The following KCNH7 variants were observed in gnomAD, a reference collection of about 807,000 sequenced individuals.
KCNH7 encodes the protein voltage-gated inwardly rectifying potassium channel KCNH7.
A neutral mutation model predicts 120.8 loss-of-function variants in KCNH7; 49 were observed. The ratio of observed to expected loss-of-function variants is 0.41; its 90% CI spans 0.32 to 0.51. The LOEUF is 0.51. Among genes scored for constraint, KCNH7 ranks in the 20% least tolerant of loss-of-function variants. The pLI is 0.38. For missense variants in KCNH7, 1,097 were observed against 1,446.6 expected (o/e 0.76, Z 3.92); for synonymous variants, 547 against 516.1 (o/e 1.06, Z -0.81).
intron 2 of KCNH7, among the ~76,000 whole-genome samples, chr2:162,736,044 G>A (rs531505446): frequency 5.3e-4 from 80 of 152,274 alleles, no homozygotes; most frequent in Admixed American, 2.0e-3. Context: ...TGATGTTGAT[G>A]ATGAATAATA....
At chr2:162,745,392 A>T (rs1270402762) in intron 2 of KCNH7, among the ~76,000 whole-genome samples, 2 of 152,048 alleles carry the variant, frequency 1.3e-5, no homozygotes, top group Non-Finnish European at 2.9e-5. Context: ...CTTTTTTTTT[A>T]AACTAAAGAA....
intron 7 of KCNH7, among the ~76,000 whole-genome samples, chr2:162,442,497 T>C (rs1688455642): frequency 6.6e-6 from 1 of 152,176 alleles, no homozygotes; most frequent in Non-Finnish European, 1.5e-5. Context: ...GCAAAGAAGA[T>C]ATTAATGTTT....
intron 2 of KCNH7, among the ~76,000 whole-genome samples, chr2:162,739,856 T>A (rs1688058129): frequency 6.6e-6 from 1 of 152,080 alleles, no homozygotes. Context: ...CAATGAGATA[T>A]GGATATTAGG....
At chr2:162,759,524 G>C (rs956169304) in intron 2 of KCNH7, among the ~76,000 whole-genome samples, 1 of 151,924 alleles carries the variant, frequency 6.6e-6, no homozygotes, top group Non-Finnish European at 1.5e-5. Context: ...GTAAGTCCTG[G>C]GGTCTCTACA....
At chr2:162,423,148 T>A in intron 9 of KCNH7, 188 bp downstream of exon 9, 1 of 1,225,490 alleles carries the variant, frequency 8.2e-7, no homozygotes, top group East Asian at 2.4e-5. Context: ...CCACACAGTA[T>A]AACTAGATAT....
At chr2:162,505,916 C>T (rs560089580) in intron 5 of KCNH7, among the ~76,000 whole-genome samples, 6 of 151,796 alleles carry the variant, frequency 4.0e-5, no homozygotes, top group Non-Finnish European at 5.9e-5. Context: ...AATAATCAAT[C>T]AACTTGGGTC....
intron 2 of KCNH7, among the ~76,000 whole-genome samples, chr2:162,670,654 A>G (rs1040471507): frequency 6.6e-6 from 1 of 151,956 alleles, no homozygotes; most frequent in Admixed American, 6.6e-5. Flanking sequence ...CAAATAAGCT[A>G]TGTAGGCTAC....
chr2:162,628,390 A>C (rs1683632603), intron 2 of KCNH7, among the ~76,000 whole-genome samples: 1 of 151,840 alleles, frequency 6.6e-6, no homozygotes, highest in Non-Finnish European at 1.5e-5. Context: ...TCCTTTCCAC[A>C]CTGTCTCTCT....
chr2:162,446,570 T>C, intron 6 of KCNH7, 127 bp from the exon 7 acceptor site: 1 of 705,330 alleles, frequency 1.4e-6, no homozygotes, highest in Non-Finnish European at 2.3e-6. Flanking sequence ...AATTTGGAAG[T>C]ATTTATGAAA....
chr2:162,514,890 CAG>C (rs769162251), intron 4 of KCNH7, among the ~76,000 whole-genome samples: 3 of 151,668 alleles, frequency 2.0e-5, no homozygotes, highest in Non-Finnish European at 3.0e-5. Flanking sequence ...ATAGCCTGTA[CAG>C]GAGAACATTT....
chr2:162,579,329 G>A (rs79592529), intron 2 of KCNH7, among the ~76,000 whole-genome samples: 6,666 of 152,084 alleles, frequency 0.044, 294 homozygotes, highest in East Asian at 0.11. Context: ...GAAAAGGAAC[G>A]TCAGTAAGAT....
Position 162,749,232 on chromosome 2 carries a change from C to T in KCNH7, c.307+87305G>A, listed in dbSNP as rs573659433. Reference sequence around the variant, plus strand: ...CTCTCTCTTTTGCTCTTTCTTTTGACTGGAGATCTACCCAGTTAAGACTTT... The same window carrying T: ...CTCTCTCTTTTGCTCTTTCTTTTGATTGGAGATCTACCCAGTTAAGACTTT... On this transcript the variant is annotated intron_variant, in intron 2 of 15. Coordinates refer to ENST00000332142, the MANE Select transcript of KCNH7 (RefSeq NM_033272.4). Among the ~76,000 whole-genome samples, 30 of 147,338 alleles carry T rather than the reference C, an allele frequency of 2.0e-4. No individual in the cohort carries two copies. The East Asian group carries it at 5.7e-3, about 28-fold the overall frequency.
At chr2:162,733,391 T>A (rs567392688) in intron 2 of KCNH7, among the ~76,000 whole-genome samples, 1 of 152,330 alleles carries the variant, frequency 6.6e-6, no homozygotes, top group South Asian at 2.1e-4. Flanking sequence ...CTTGGCCACA[T>A]AACTTGCTTT....
chr2:162,756,300 A>G (rs993791559), intron 2 of KCNH7, among the ~76,000 whole-genome samples: 1 of 152,138 alleles, frequency 6.6e-6, no homozygotes, highest in African/African-American at 2.4e-5. Flanking sequence ...TTAAGGTCAT[A>G]GGTTTGAATG....
chr2:162,425,672 T>A (rs1015001791), intron 8 of KCNH7, among the ~76,000 whole-genome samples: 1 of 152,134 alleles, frequency 6.6e-6, no homozygotes, highest in Non-Finnish European at 1.5e-5. Flanking sequence ...ATGCTGTTTG[T>A]TTTACCTAAA....
At chr2:162,596,742 G>C (rs929769058) in intron 2 of KCNH7, among the ~76,000 whole-genome samples, 1 of 151,956 alleles carries the variant, frequency 6.6e-6, no homozygotes, top group Non-Finnish European at 1.5e-5. Context: ...CACAGCAAAG[G>C]AAACAATCAA....
intron 2 of KCNH7, among the ~76,000 whole-genome samples, chr2:162,672,335 A>C (rs1344862245): frequency 6.6e-6 from 1 of 152,084 alleles, no homozygotes; most frequent in Non-Finnish European, 1.5e-5. Flanking sequence ...GATTCTGTTA[A>C]CAATCATTAG....
At chr2:162,464,491 A>G (rs2105616094) in intron 6 of KCNH7, among the ~76,000 whole-genome samples, 1 of 152,124 alleles carries the variant, frequency 6.6e-6, no homozygotes, top group African/African-American at 2.4e-5. Flanking sequence ...ATGCCTCCTG[A>G]TGGCAACTAT....
intron 3 of KCNH7, among the ~76,000 whole-genome samples, chr2:162,533,009 T>C (rs1490066540): frequency 5.3e-5 from 8 of 151,926 alleles, no homozygotes; most frequent in Admixed American, 5.3e-4. Context: ...GATTATAAGC[T>C]ATTAGGTTGG....
Sources: allele counts gnomAD v4.1 joint callset (sites outside exome capture counted in the v4.1 genomes callset), GRCh38; gene constraint gnomAD v4.1.1; transcripts MANE v1.5; gene names NCBI Gene and HGNC (gene_info 2026-07-23, HGNC 2026-07-21).